DUSP5: variants seen among roughly 807,000 people sequenced by gnomAD.
The protein encoded by DUSP5 is dual specificity phosphatase 5.
A neutral mutation model predicts 33.6 loss-of-function variants in DUSP5; 22 were observed. The observed-to-expected ratio is 0.66, with a 90% confidence interval of 0.47 to 0.94. The LOEUF (loss-of-function observed/expected upper bound fraction) is 0.94, where lower values mean the gene tolerates loss of function less well. DUSP5 is among the 40% of genes least tolerant of loss of function. The pLI, the probability that DUSP5 is intolerant of heterozygous loss-of-function variation, is 0.00. For missense variants in DUSP5, 551 were observed against 522.1 expected (o/e 1.06, Z -0.54); for synonymous variants, 270 against 231.1 (o/e 1.17, Z -1.53).
chr10:110,502,989 A>G, intron 2 of DUSP5, 120 bp downstream of exon 2: 1 of 1,373,940 alleles, frequency 7.3e-7, no homozygotes, highest in Admixed American at 2.3e-5. Flanking sequence ...TCTTTTGTGG[A>G]TCAGGGTGTT....
chr10:110,501,600 T>G (rs1860049639), intron 1 of DUSP5, among the ~76,000 whole-genome samples: 1 of 152,140 alleles, frequency 6.6e-6, no homozygotes, highest in Non-Finnish European at 1.5e-5. Flanking sequence ...TTTGGAAAAT[T>G]CATGGTCTCA....
chr10:110,507,900 C>G (rs977805509), intron 3 of DUSP5, among the ~76,000 whole-genome samples: 2 of 152,184 alleles, frequency 1.3e-5, no homozygotes, highest in African/African-American at 4.8e-5. Context: ...GGAGGCTGGC[C>G]TGACTTTTTT....
At chr10:110,506,344 A>T (rs1322640471) in intron 2 of DUSP5, among the ~76,000 whole-genome samples, 6 of 152,130 alleles carry the variant, frequency 3.9e-5, no homozygotes, top group Non-Finnish European at 8.8e-5. Flanking sequence ...AGACGGTAGG[A>T]TCTCTTCAGC....
chr10:110,502,641 A>G (rs1860067998), intron 1 of DUSP5, 80 bp from the exon 2 acceptor site: 2 of 1,510,816 alleles, frequency 1.3e-6, no homozygotes. Context: ...CACTCAGAGT[A>G]TTGATTAACT....
At chr10:110,505,658 T>C (rs1020889362) in intron 2 of DUSP5, among the ~76,000 whole-genome samples, 1 of 152,298 alleles carries the variant, frequency 6.6e-6, no homozygotes, top group African/African-American at 2.4e-5. Context: ...AGGAAGCAGA[T>C]GGTTGGCATG....
At chr10:110,502,328 C>A (rs112461952) in intron 1 of DUSP5, among the ~76,000 whole-genome samples, 310 of 152,324 alleles carry the variant, frequency 2.0e-3, no homozygotes, top group Non-Finnish European at 3.3e-3. Context: ...CTTCAGGAGC[C>A]TGTCTTCTCG....
rs184878026 is a variant in DUSP5, at chr10:110,506,391, C to T, written c.529-544C>T. On this transcript the variant is annotated intron_variant, in intron 2 of 3. Coordinates refer to ENST00000369583, the MANE Select transcript of DUSP5 (RefSeq NM_004419.4). ...AGATTACAGTGAGCTATGATTGTGC[C>T]GCTGCACTGCAGCCTGGGTGACGGA... Among the ~76,000 whole-genome samples, 9 of 152,144 alleles carry T rather than the reference C, an allele frequency of 5.9e-5. No individual in the cohort carries two copies. The East Asian group carries it at 1.4e-3, about 23-fold the overall frequency.
At position 110,506,480 on chromosome 10, in the gene DUSP5, A is replaced by G. The variant is rs189288440; in HGVS notation, c.529-455A>G. Among the ~76,000 whole-genome samples, 486 of 152,308 alleles carry G rather than the reference A, an allele frequency of 3.2e-3. 1 individual carries two copies. Among genetic ancestry groups the G allele is most frequent in the Middle Eastern group, 0.014 (4 of 294 alleles). On this transcript the variant is annotated intron_variant, in intron 2 of 3. Coordinates refer to ENST00000369583, the MANE Select transcript of DUSP5 (RefSeq NM_004419.4). ...ACTATGTAAAATGTCAAGGCTGTAA[A>G]GGAGGACACACACCATGTTGAGTCC...
chr10:110,499,543 C>CT (rs1860013736), intron 1 of DUSP5, among the ~76,000 whole-genome samples: 1 of 152,112 alleles, frequency 6.6e-6, no homozygotes, highest in Non-Finnish European at 1.5e-5. Flanking sequence ...GTGCAGAGAG[C>CT]CGGCGCCGAG....
chr10:110,499,742 G>A (rs897596038), intron 1 of DUSP5, among the ~76,000 whole-genome samples: 2 of 152,220 alleles, frequency 1.3e-5, no homozygotes, highest in African/African-American at 4.8e-5. Flanking sequence ...GGGGATAGAG[G>A]GTTGGCCCTC....
In DUSP5 at chr10:110,498,057, A is replaced by G. The variant is rs1859978151; in HGVS notation, c.-65A>G. Reference sequence around the variant, plus strand: ...TCGCCCGCGGACACCCTGGCCGTGGACACCCTGGCCGTGGGCACCCGCGGG... The same window carrying G: ...TCGCCCGCGGACACCCTGGCCGTGGGCACCCTGGCCGTGGGCACCCGCGGG... On this transcript the variant is annotated 5_prime_UTR_variant, in exon 1 of 4. Transcript: ENST00000369583. 3.6e-6 allele frequency: 4 copies of G among 1,098,214 alleles called. No homozygotes were observed. Among genetic ancestry groups the G allele is most frequent in the South Asian group, 4.2e-5 (1 of 23,542 alleles). 68.0% of individuals were successfully genotyped at this position (1,098,214 alleles called of 1,614,324 possible).
Position 110,510,656 on chromosome 10 carries a change from A to G in DUSP5, c.*230A>G. 2 of 549,988 alleles carry G rather than the reference A, an allele frequency of 3.6e-6. No homozygotes were observed. The highest frequency in any genetic ancestry group is 3.1e-5 in the East Asian group (1 of 32,542). The allele number at this position is 549,988 out of a possible 1,614,324, so 34.1% of individuals were successfully genotyped here. A position where few individuals can be genotyped will look rare whatever the true frequency, so the allele number is the denominator to read the frequency against. On this transcript the variant is annotated 3_prime_UTR_variant, in exon 4 of 4. Transcript: ENST00000369583. ...TACGGGAGCACAGCATGTGCTGACT[A>G]CTGTACTTCCAGACCCCTGCCCTCT... is the stretch of plus-strand genomic sequence containing the variant.
In DUSP5 at chr10:110,510,159, G is replaced by A. The variant is rs1459870776; in HGVS notation, c.888G>A (p.Arg296=). Residue 296 remains arginine (R), a synonymous_variant, in exon 4 of 4, where the codon AGG becomes AGA. Transcript: ENST00000369583. ...LKEAFDYIKQ[R]RSMVSPNFGF... ...AGGCCTTCGATTACATCAAGCAGAG[G>A]AGGAGCATGGTCTCGCCCAACTTTG... 1.2e-6 allele frequency: 2 copies of A among 1,614,202 alleles called. No individual in the cohort carries two copies. Among genetic ancestry groups the A allele is most frequent in the South Asian group, 2.2e-5 (2 of 91,088 alleles).
rs569766922 is a variant in DUSP5, at chr10:110,511,452, G to A, written c.*1026G>A. On this transcript the variant is annotated 3_prime_UTR_variant, in exon 4 of 4. Transcript: ENST00000369583. ...AAAAGGCAATAATTTTCTAAGACCC[G>A]TGTGAATGTGAAGAAAAGCAGTATG... 6.6e-6 allele frequency: 1 copy of A among 152,546 alleles called. No homozygotes were observed. Among genetic ancestry groups the A allele is most frequent in the African/African-American group, 2.4e-5 (1 of 41,394 alleles). The allele number at this position is 152,546 out of a possible 1,614,324, so 9.4% of individuals were successfully genotyped here.
intron 2 of DUSP5, among the ~76,000 whole-genome samples, chr10:110,503,266 A>C (rs1199571306): frequency 6.6e-6 from 1 of 152,140 alleles, no homozygotes; most frequent in Non-Finnish European, 1.5e-5. Flanking sequence ...TTTTCTTTGT[A>C]ATTGTCCATG....
intron 2 of DUSP5, among the ~76,000 whole-genome samples, chr10:110,506,209 C>T (rs571119948): frequency 1.4e-4 from 22 of 152,082 alleles, no homozygotes; most frequent in Admixed American, 1.0e-3. Flanking sequence ...GTAGGAAGAT[C>T]GCTTGAGGCC....
chr10:110,502,732 A>G lies in DUSP5; in HGVS notation c.391A>G (p.Thr131Ala), dbSNP rs1166476317. The G allele has an allele frequency of 1.2e-6, 2 of 1,613,764 alleles. No individual in the cohort carries two copies. Among genetic ancestry groups the G allele is most frequent in the Non-Finnish European group, 1.7e-6 (2 of 1,179,820 alleles). ...GTTTGTTTTTGTAGGGGGATATGAG[A>G]CTTTCTACTCGGAATATCCTGAGTG... ...RVYFLKGGYE[T>A]FYSEYPECCV... Residue 131 changes from threonine to alanine, a missense_variant, in exon 2 of 4, where the codon ACT (threonine) becomes GCT (alanine). Transcript: ENST00000369583.
rs1484495288 is a variant in DUSP5, at chr10:110,502,794, T to C, written c.453T>C (p.Ile151=). ...VDVKPISQEK[I]ESERALISQC... is the part of the protein sequence containing the mutation. ...TAAAACCCATTTCACAAGAGAAGAT[T>C]GAGAGTGAGAGAGCCCTCATCAGCC... The change falls in exon 2 of 4, where the codon ATT becomes ATC. Residue 151 remains isoleucine, a synonymous_variant. Transcript: ENST00000369583. 6.2e-7 allele frequency: 1 copy of C among 1,614,090 alleles called. No homozygotes were observed. The highest frequency in any genetic ancestry group is 8.5e-7 in the Non-Finnish European group (1 of 1,180,002).
In DUSP5 at chr10:110,510,835, C is replaced by T. The variant is rs1281073460; in HGVS notation, c.*409C>T. 1 of 169,204 alleles carries T rather than the reference C, an allele frequency of 5.9e-6. No homozygotes were observed. The highest frequency in any genetic ancestry group is 1.3e-5 in the Non-Finnish European group (1 of 79,420). 10.5% of individuals were successfully genotyped at this position (169,204 alleles called of 1,614,324 possible). ...ATTTTGAAGGAAGCACAATTTCCAC[C>T]TTATTTTTTGAACTTTGGCAGTTTC... On this transcript the variant is annotated 3_prime_UTR_variant, in exon 4 of 4. Coordinates refer to ENST00000369583, the MANE Select transcript of DUSP5 (RefSeq NM_004419.4).
Sources: gnomAD v4.1 joint callset for allele counts (sites outside exome capture counted in the v4.1 genomes callset) on GRCh38, gnomAD v4.1.1 for gene constraint, MANE v1.5 for transcripts, NCBI Gene and HGNC (gene_info 2026-07-23, HGNC 2026-07-21) for gene names.